CACFD1: variants seen among roughly 807,000 people sequenced by gnomAD.
The protein encoded by CACFD1 is calcium channel flower domain containing 1, also known as calcium channel flower homolog.
In CACFD1, 26 loss-of-function variants were observed where a neutral mutation model predicts 21.3. The observed-to-expected ratio is 1.22, with a 90% confidence interval of 0.89 to 1.69. The LOEUF is 1.69. Among genes scored for constraint, CACFD1 ranks in the 40% most tolerant of loss-of-function variants. The probability of loss-of-function intolerance (pLI) is 0.00; values close to 1 mark genes in which losing one functional copy is unlikely to be tolerated. For synonymous variants in CACFD1, 121 were observed against 106.6 expected (o/e 1.13, Z -0.83); for missense variants, 265 against 236.2 (o/e 1.12, Z -0.80).
At chr9:133,468,399 C>T (rs2131005682) in intron 4 of CACFD1, 164 bp from the exon 5 acceptor site, 2 of 1,535,986 alleles carry the variant, frequency 1.3e-6, no homozygotes, top group South Asian at 1.2e-5. Flanking sequence ...GGGCCATTCT[C>T]AGAGGGGACA....
chr9:133,460,471 C>CGGCGGGGGCGGCGGGGGCGGG (rs1554798191), intron 1 of CACFD1, among the ~76,000 whole-genome samples: 1 of 125,818 alleles, frequency 7.9e-6, no homozygotes, highest in Non-Finnish European at 1.8e-5. Context: ...GGCGGGGGGG[C>CGGCGGGGGCGGCGGGGGCGGG]GGCGGGGGCG....
At chr9:133,460,487 G>GCGGGGGGGCGGCGGGGGCGGGGGGGCGGC (rs1564453308) in intron 1 of CACFD1, among the ~76,000 whole-genome samples, 1 of 151,376 alleles carries the variant, frequency 6.6e-6, no homozygotes, top group Non-Finnish European at 1.5e-5. Flanking sequence ...GGGCGGGGGT[G>GCGGGGGGGCGGCGGGGGCGGGGGGGCGGC]GGGCACCGGC....
chr9:133,466,663 T>C (rs781828180), intron 3 of CACFD1, among the ~76,000 whole-genome samples: 1 of 152,210 alleles, frequency 6.6e-6, no homozygotes, highest in Non-Finnish European at 1.5e-5. Context: ...TCAAAGATTC[T>C]GATCATTAAA....
rs1843407962 is a variant in CACFD1 at position 133,465,646 on chromosome 9, C to T, written c.320+199C>T. The T allele has an allele frequency of 1.2e-5, 7 of 594,016 alleles. No homozygotes were observed. Among genetic ancestry groups the T allele is most frequent in the Non-Finnish European group, 2.1e-5 (7 of 337,542 alleles). The allele number at this position is 594,016 out of a possible 1,614,324, so 36.8% of individuals were successfully genotyped here. ...AGTGGTTCTGCGCCCAGGAACTCAG[C>T]TGTCGCTGTGCCGTAGTCACTGGAA... On this transcript the variant is annotated intron_variant, in intron 3 of 4. Transcript: ENST00000316948. This position sits in a 1 kb window ranked among gnomAD's most constrained non-coding sequence, Gnocchi z 5.0.
chr9:133,461,610 C>G (rs1843222152), intron 1 of CACFD1, among the ~76,000 whole-genome samples: 1 of 152,222 alleles, frequency 6.6e-6, no homozygotes. Context: ...AGTGGCCCTG[C>G]CGACTCCCAG....
intron 1 of CACFD1, among the ~76,000 whole-genome samples, chr9:133,460,524 C>G (rs1360190058): frequency 2.9e-5 from 3 of 101,748 alleles, no homozygotes; most frequent in Non-Finnish European, 7.5e-5. Context: ...AGCCCTCCCC[C>G]CGCTCCCCAG....
intron 1 of CACFD1, chr9:133,461,908 C>T (rs961348697): frequency 3.0e-6 from 3 of 985,310 alleles, no homozygotes; most frequent in South Asian, 4.7e-5. Context: ...GGTTTTCCTC[C>T]TCCAGGGTGA....
Position 133,468,591 on chromosome 9 carries a change from CAGCAGCAGA to C in CACFD1, c.458_466del (p.Gln153_Gln155del), listed in dbSNP as rs1843544922. ...CGATGCGATCTCCTATGCCAGGATC[CAGCAGCAGA>C]GGCAGCAGGCGGATGAGGAGAAGCT... On this transcript the variant is annotated inframe_deletion, in exon 5 of 5. Coordinates refer to ENST00000316948, the MANE Select transcript of CACFD1 (RefSeq NM_017586.5). 1 of 1,590,966 alleles carries C rather than the reference CAGCAGCAGA, an allele frequency of 6.3e-7. No individual in the cohort carries two copies. Among genetic ancestry groups the C allele is most frequent in the African/African-American group, 1.3e-5 (1 of 74,804 alleles).
intron 1 of CACFD1, 36 bp downstream of exon 1, chr9:133,460,223 C>T (rs1554798040): frequency 4.7e-6 from 7 of 1,496,838 alleles, no homozygotes; most frequent in South Asian, 1.3e-5. Flanking sequence ...CCGGCCCCGC[C>T]GCGCATGCGC....
Position 133,463,719 on chromosome 9 carries a change from C to T in CACFD1, c.194+164C>T, listed in dbSNP as rs114030555. On this transcript the variant is annotated intron_variant, in intron 2 of 4. Coordinates refer to ENST00000316948, the MANE Select transcript of CACFD1 (RefSeq NM_017586.5). The stretch of plus-strand genomic sequence containing the variant: ...TGCCTCGGGCATGTGAGTTTCTGGC[C>T]ACAGCATGCGGCTTCTTCCCCTTCA... Among the ~76,000 whole-genome samples the T allele has an allele frequency of 4.7e-3, 722 of 152,336 alleles. 10 individuals are homozygous for T. The highest frequency in any genetic ancestry group is 0.015 in the African/African-American group (641 of 41,574).
At chr9:133,463,445 C>T in intron 1 of CACFD1, 38 bp from the exon 2 acceptor site, 1 of 1,613,462 alleles carries the variant, frequency 6.2e-7, no homozygotes, top group South Asian at 1.1e-5. Context: ...GCTCCGCCTG[C>T]CTCCCTGCTG....
rs1554797966 is a variant in CACFD1, at chr9:133,460,153, G to T, written c.87G>T (p.Trp29Cys). The stretch of plus-strand genomic sequence containing the variant: ...AGGGCATGACGTGGTGGTACCGCTG[G>T]CTGTGTCGCCTGTCTGGGGTGCTGG... The part of the protein sequence containing the change: ...QEEGMTWWYR[W>C]LCRLSGVLGA... Residue 29 changes from tryptophan to cysteine, a missense_variant, in exon 1 of 5, where the codon TGG becomes TGT. Physicochemically the swap from Trp to Cys is radical, Grantham distance 215 (BLOSUM62 -2). Coordinates refer to ENST00000316948, the MANE Select transcript of CACFD1 (RefSeq NM_017586.5). 1.9e-6 allele frequency: 3 copies of T among 1,558,948 alleles called. No homozygotes were observed. Among genetic ancestry groups the T allele is most frequent in the African/African-American group, 2.7e-5 (2 of 73,076 alleles).
At chr9:133,464,822 G>A (rs921380673) in intron 2 of CACFD1, among the ~76,000 whole-genome samples, 1 of 152,204 alleles carries the variant, frequency 6.6e-6, no homozygotes, top group Non-Finnish European at 1.5e-5. Flanking sequence ...GCAGCTCTCC[G>A]TGACTGTTTT....
rs1227531659 is a variant in CACFD1, at chr9:133,470,336, A to G, written c.*1683A>G. ...GCCCTCTGCTCATTCCTACCCAGGT[A>G]GTGGGACCCCGGGCCCCCTTCTGCC... On this transcript the variant is annotated 3_prime_UTR_variant, in exon 5 of 5. Coordinates refer to ENST00000316948, the MANE Select transcript of CACFD1 (RefSeq NM_017586.5). The G allele has an allele frequency of 6.6e-6, 1 of 152,364 alleles. No individual in the cohort carries two copies. Among genetic ancestry groups the G allele is most frequent in the African/African-American group, 2.4e-5 (1 of 41,354 alleles). 9.4% of individuals were successfully genotyped at this position (152,364 alleles called of 1,614,324 possible).
intron 1 of CACFD1, among the ~76,000 whole-genome samples, chr9:133,463,227 G>A (rs945926986): frequency 3.3e-5 from 5 of 152,194 alleles, no homozygotes; most frequent in African/African-American, 4.8e-5. Flanking sequence ...GCCCTGAAAC[G>A]GGGAGAGGAT....
At chr9:133,461,193 A>G (rs587676119) in intron 1 of CACFD1, among the ~76,000 whole-genome samples, 2 of 152,316 alleles carry the variant, frequency 1.3e-5, no homozygotes, top group South Asian at 2.1e-4. Context: ...CCCATCAGCA[A>G]TCCTGCCAGA....
At position 133,463,620 on chromosome 9, in the gene CACFD1, CG is replaced by C. The variant is rs1455354508; in HGVS notation, c.194+68del. ...GGTCGGGAATCTGCTGGGCACCTCC[CG>C]GGACAGAGGAGTGGCAGGGGCCGTG... On this transcript the variant is annotated intron_variant, in intron 2 of 4. Coordinates refer to ENST00000316948, the MANE Select transcript of CACFD1 (RefSeq NM_017586.5). The C allele has an allele frequency of 5.2e-6, 8 of 1,547,268 alleles. No homozygotes were observed. The African/African-American group carries it at 9.5e-5, about 18-fold the overall frequency.
Position 133,470,199 on chromosome 9 carries a change from G to GTGTGTT in CACFD1, c.*1551_*1552insTTGTGT, listed in dbSNP as rs1025985026. 2.1e-5 allele frequency: 1 copy of GTGTGTT among 47,242 alleles called. No homozygotes were observed. Among genetic ancestry groups the GTGTGTT allele is most frequent in the African/African-American group, 5.9e-5 (1 of 16,950 alleles). 2.9% of individuals were successfully genotyped at this position (47,242 alleles called of 1,614,324 possible). The stretch of plus-strand genomic sequence containing the variant: ...GCTGGGTTCAAAGGGCTGTGTGTGT[G>GTGTGTT]TGTGTGTGTGTGTGTGTGTGTGTGT... On this transcript the variant is annotated 3_prime_UTR_variant, in exon 5 of 5. Transcript: ENST00000316948.
intron 1 of CACFD1, among the ~76,000 whole-genome samples, chr9:133,462,496 GA>G (rs1843262886): frequency 6.6e-6 from 1 of 152,250 alleles, no homozygotes; most frequent in Admixed American, 6.5e-5. Flanking sequence ...GAAAACAGCA[GA>G]ATTCCAGACC....
Sources: gnomAD v4.1 joint callset for allele counts (sites outside exome capture counted in the v4.1 genomes callset) on GRCh38, gnomAD v4.1.1 for gene constraint, Gnocchi (gnomAD v3.1) non-coding constraint, MANE v1.5 for transcripts, NCBI Gene and HGNC (gene_info 2026-07-23, HGNC 2026-07-21) for gene names.